TRAPPC9: variants seen among roughly 807,000 people sequenced by gnomAD.
The protein encoded by TRAPPC9 is trafficking protein particle complex subunit 9.
Under a neutral mutation model 124.0 loss-of-function variants are expected in TRAPPC9, and 83 were observed. The ratio of observed to expected loss-of-function variants is 0.67; its 90% confidence interval spans 0.56 to 0.80. The LOEUF (loss-of-function observed/expected upper bound fraction) is 0.80. Among genes scored for constraint, TRAPPC9 ranks in the 30% least tolerant of loss-of-function variants. The pLI, the probability that TRAPPC9 is intolerant of heterozygous loss-of-function variation, is 0.00. For synonymous variants in TRAPPC9, 638 were observed against 617.5 expected (o/e 1.03, Z -0.49); for missense variants, 1,302 against 1,508.3 (o/e 0.86, Z 2.27).
chr8:140,451,630 C>T (rs2071467152), intron 1 of TRAPPC9, among the ~76,000 whole-genome samples: 1 of 152,202 alleles, frequency 6.6e-6, no homozygotes, highest in South Asian at 2.1e-4. Flanking sequence ...TGTTTCTTGT[C>T]TTTCTATTCT....
intron 8 of TRAPPC9, 113 bp from the exon 9 acceptor site, chr8:140,360,306 C>T: frequency 7.4e-7 from 1 of 1,343,484 alleles, no homozygotes; most frequent in Non-Finnish European, 1.0e-6. Flanking sequence ...AACCACCAAA[C>T]TCCAAGAGCA....
intron 17 of TRAPPC9, among the ~76,000 whole-genome samples, chr8:140,193,226 T>C (rs911196325): frequency 1.3e-5 from 2 of 152,222 alleles, no homozygotes; most frequent in Admixed American, 1.3e-4. Flanking sequence ...ATCTAAAATG[T>C]GAAAATGTGT....
chr8:139,809,820 C>A (rs1338152164), intron 21 of TRAPPC9, among the ~76,000 whole-genome samples: 3 of 152,170 alleles, frequency 2.0e-5, no homozygotes, highest in Non-Finnish European at 4.4e-5. Flanking sequence ...CCCTGCTGAG[C>A]CACCAGATAC....
At chr8:140,259,935 C>T (rs1025736695) in intron 15 of TRAPPC9, among the ~76,000 whole-genome samples, 1 of 152,300 alleles carries the variant, frequency 6.6e-6, no homozygotes, top group East Asian at 1.9e-4. Flanking sequence ...AGCGGAATAC[C>T]ACAGTGAATA....
intron 17 of TRAPPC9, chr8:140,096,230 G>C (rs1182758172): frequency 6.6e-6 from 1 of 152,278 alleles, no homozygotes; most frequent in Non-Finnish European, 1.5e-5. Context: ...GGGGCTGAGT[G>C]TCGGAGGGAG....
At chr8:140,025,001 T>C (rs750446104) in intron 17 of TRAPPC9, among the ~76,000 whole-genome samples, 19 of 152,122 alleles carry the variant, frequency 1.2e-4, no homozygotes, top group Non-Finnish European at 2.4e-4. Context: ...GGAGTACTCA[T>C]GTGCTCCTGC....
intron 17 of TRAPPC9, among the ~76,000 whole-genome samples, chr8:140,202,517 C>A (rs188137537): frequency 6.6e-6 from 1 of 152,010 alleles, no homozygotes; most frequent in Admixed American, 6.6e-5. Flanking sequence ...CTAAAATTTA[C>A]AATAAAAGGC....
intron 7 of TRAPPC9, among the ~76,000 whole-genome samples, chr8:140,391,680 C>A (rs1433968008): frequency 1.4e-5 from 2 of 140,474 alleles, no homozygotes; most frequent in East Asian, 4.2e-4. Flanking sequence ...CCATTGCACT[C>A]TAGCCTGGGC....
chr8:140,318,357 T>G lies in TRAPPC9; in HGVS notation c.1496-6983A>C, dbSNP rs535403634. Among the ~76,000 whole-genome samples, 7 of 152,358 alleles carry G rather than the reference T, an allele frequency of 4.6e-5. No homozygotes were observed. The South Asian group carries it at 1.5e-3, about 32-fold the overall frequency. Reference sequence around the variant, plus strand: ...GCTAACATGTCCATCACCTGAAATATTTAACATTTTTTGTGATAAGAACAT... The same window carrying G: ...GCTAACATGTCCATCACCTGAAATAGTTAACATTTTTTGTGATAAGAACAT... On this transcript the variant is annotated intron_variant, in intron 9 of 22. Coordinates refer to ENST00000438773, the MANE Select transcript of TRAPPC9 (RefSeq NM_001160372.4).
intron 17 of TRAPPC9, among the ~76,000 whole-genome samples, chr8:140,049,860 G>A (rs1160932351): frequency 6.6e-6 from 1 of 152,178 alleles, no homozygotes; most frequent in Non-Finnish European, 1.5e-5. Flanking sequence ...GTAGGGATCA[G>A]AAAACTTGTC....
At chr8:140,295,707 A>G (rs2065785037) in intron 11 of TRAPPC9, among the ~76,000 whole-genome samples, 1 of 151,882 alleles carries the variant, frequency 6.6e-6, no homozygotes, top group Non-Finnish European at 1.5e-5. Context: ...CATCTCCAAA[A>G]CCCTATGCCA....
intron 21 of TRAPPC9, among the ~76,000 whole-genome samples, chr8:139,853,597 A>G (rs1352305070): frequency 2.0e-5 from 3 of 152,242 alleles, no homozygotes; most frequent in African/African-American, 4.8e-5. Flanking sequence ...ACAGGGCTTC[A>G]GCCACCACCT....
Position 140,451,368 on chromosome 8 carries a change from G to A in TRAPPC9, c.6C>T (p.Ser2=), listed in dbSNP as rs565904872. 2.4e-5 allele frequency: 39 copies of A among 1,602,202 alleles called. No individual in the cohort carries two copies. The highest frequency in any genetic ancestry group is 8.3e-5 in the Admixed American group (5 of 60,014). ...CAGCACACTGCATGTAGTCAGGGAC[G>A]CTCATTTTGAAGTCCCTGTTCAGAG... The part of the protein sequence containing the change: M[S]VPDYMQCAED... Residue 2 remains serine (S), a synonymous_variant, in exon 2 of 23, where the codon AGC becomes AGT. Coordinates refer to ENST00000438773, the MANE Select transcript of TRAPPC9 (RefSeq NM_001160372.4).
intron 21 of TRAPPC9, among the ~76,000 whole-genome samples, chr8:139,824,572 T>C (rs1586925523): frequency 6.6e-6 from 1 of 152,120 alleles, no homozygotes; most frequent in Admixed American, 6.6e-5. Context: ...TTTTATTTTA[T>C]CTTTTGGCGA....
Position 139,731,979 on chromosome 8 carries a change from C to G in TRAPPC9, c.3279G>C (p.Ala1093=). ...GACCGCCTTGCACACCACCACGCAC[C>G]GCGTCGAGGTAGAAGGTGCTGGAGC... ...FVGSSTFYLD[A]VQPSGQSACL... Residue 1093 remains alanine, a splice_region_variant and synonymous_variant, in exon 22 of 23, where the codon GCG becomes GCC. Transcript: ENST00000438773. The G allele has an allele frequency of 1.9e-6, 3 of 1,573,384 alleles. No individual in the cohort carries two copies. Among genetic ancestry groups the G allele is most frequent in the Non-Finnish European group, 2.6e-6 (3 of 1,158,810 alleles).
rs190244127 is a variant in TRAPPC9 at position 140,199,046 on chromosome 8, T to C, written c.2556+22413A>G. 5.9e-5 allele frequency among the ~76,000 whole-genome samples: 9 copies of C among 152,214 alleles called. No homozygotes were observed. The South Asian group carries it at 6.2e-4, about 11-fold the overall frequency. On this transcript the variant is annotated intron_variant, in intron 17 of 22. Transcript: ENST00000438773. The stretch of plus-strand genomic sequence containing the variant: ...GCGGGACTCCTGGGGGGAGCAACAG[T>C]GCAGCTGAGGCCTGGACCCCCAGGA...
chr8:139,908,035 C>G (rs765890036), intron 20 of TRAPPC9, among the ~76,000 whole-genome samples: 15 of 152,194 alleles, frequency 9.9e-5, no homozygotes, highest in African/African-American at 3.6e-4. Context: ...CAGCACCAGC[C>G]CAGGGTGGTG....
At chr8:139,836,497 C>A (rs112117884) in intron 21 of TRAPPC9, among the ~76,000 whole-genome samples, 1 of 152,194 alleles carries the variant, frequency 6.6e-6, no homozygotes, top group Non-Finnish European at 1.5e-5. Flanking sequence ...GCTCAAGGTT[C>A]GGGAGGGAGG....
intron 15 of TRAPPC9, among the ~76,000 whole-genome samples, chr8:140,272,135 G>GTGATGGTGGCAATGA (rs1563903629): frequency 1.4e-5 from 2 of 143,270 alleles, no homozygotes; most frequent in South Asian, 2.2e-4. Context: ...GGTGGCGATG[G>GTGATGGTGGCAATGA]TGATGGTGAT....
Sources: allele counts gnomAD v4.1 joint callset (sites outside exome capture counted in the v4.1 genomes callset), GRCh38; gene constraint gnomAD v4.1.1; transcripts MANE v1.5; gene names NCBI Gene and HGNC (gene_info 2026-07-23, HGNC 2026-07-21).